The following SLMAP variants were observed in gnomAD, a reference collection of about 807,000 sequenced individuals.
SLMAP encodes the protein sarcolemma associated protein.
SLMAP carries 44 observed loss-of-function variants against 128.8 expected under a neutral mutation model. That is an observed-to-expected ratio of 0.34 (90% CI 0.27 to 0.44). The LOEUF (loss-of-function observed/expected upper bound fraction) is 0.44. SLMAP is among the 20% of genes least tolerant of loss of function. The pLI is 1.00. For missense variants in SLMAP, 787 were observed against 985.3 expected (o/e 0.80, Z 2.69); for synonymous variants, 327 against 348.8 (o/e 0.94, Z 0.70).
chr3:57,831,488 A>G lies in SLMAP; in HGVS notation c.304A>G (p.Ile102Val), dbSNP rs756212703. 17 of 1,594,292 alleles carry G rather than the reference A, an allele frequency of 1.1e-5. No homozygotes were observed. The Admixed American group carries it at 1.7e-4, about 16-fold the overall frequency. ...SPPCEILSGD[I>V]IQFGVDVTEN... ...ACCATGTGAAATTCTTTCCGGTGACATTATCCAGTTTGGAGTAGACGTGAC... is the reference window on the plus strand; with the variant it reads ...ACCATGTGAAATTCTTTCCGGTGACGTTATCCAGTTTGGAGTAGACGTGAC... The change falls in exon 3 of 25, where the codon ATT (isoleucine) becomes GTT (valine). Residue 102 changes from isoleucine to valine, a missense_variant. By Grantham distance (29) the Ile-to-Val change is conservative. This residue lies in a region of SLMAP where 72 missense variants were observed against 141.8 expected (regional missense o/e 0.51). Coordinates refer to ENST00000671191, the MANE Select transcript of SLMAP (RefSeq NM_001377540.1).
intron 17 of SLMAP, among the ~76,000 whole-genome samples, chr3:57,906,300 C>CTTTTTTT (rs112949836): frequency 1.1e-4 from 8 of 71,290 alleles, no homozygotes; most frequent in African/African-American, 1.4e-4. Context: ...AAATTTTTTT[C>CTTTTTTT]TTTTTTTTTC....
At chr3:57,872,430 C>A (rs2095503482) in intron 14 of SLMAP, among the ~76,000 whole-genome samples, 1 of 152,114 alleles carries the variant, frequency 6.6e-6, no homozygotes, top group African/African-American at 2.4e-5. Flanking sequence ...ACCAGCCTGA[C>A]CAACATGGTG....
intron 17 of SLMAP, among the ~76,000 whole-genome samples, chr3:57,904,964 G>C (rs1432479492): frequency 6.6e-6 from 1 of 152,162 alleles, no homozygotes; most frequent in East Asian, 1.9e-4. Flanking sequence ...CTACTCAGGA[G>C]GCTGAGGAAG....
chr3:57,843,775 C>CTTTTTTTTTTTTTTTTTTTTTTTTTTTT (rs775541858), intron 4 of SLMAP, among the ~76,000 whole-genome samples: 3 of 77,126 alleles, frequency 3.9e-5, no homozygotes, highest in Non-Finnish European at 7.1e-5. Flanking sequence ...TCTTTTCTTT[C>CTTTTTTTTTTTTTTTTTTTTTTTTTTTT]TTTTTTTTTT....
intron 10 of SLMAP, among the ~76,000 whole-genome samples, chr3:57,862,788 C>A (rs545500797): frequency 2.0e-4 from 31 of 151,892 alleles, no homozygotes; most frequent in African/African-American, 6.3e-4. Flanking sequence ...AATAAGATTT[C>A]TATAAAAAAA....
rs562751886 is a variant in SLMAP, at chr3:57,869,922, A to G, written c.1238-1714A>G. ...AACACAGGTATATAAATAAAAATCC[A>G]TAGGAAACTCATTTATATAAATAAA... On this transcript the variant is annotated intron_variant, in intron 13 of 24. Transcript: ENST00000671191. Among the ~76,000 whole-genome samples the G allele has an allele frequency of 4.0e-5, 6 of 151,700 alleles. No individual in the cohort carries two copies. The East Asian group carries it at 9.7e-4, about 24-fold the overall frequency.
intron 19 of SLMAP, among the ~76,000 whole-genome samples, chr3:57,910,273 T>G (rs2096662351): frequency 6.6e-6 from 1 of 152,146 alleles, no homozygotes; most frequent in Non-Finnish European, 1.5e-5. Context: ...CACTACAACC[T>G]CCGTCTCCCG....
chr3:57,842,157 A>G (rs953690960), intron 4 of SLMAP, among the ~76,000 whole-genome samples: 7 of 152,168 alleles, frequency 4.6e-5, no homozygotes, highest in African/African-American at 1.2e-4. Flanking sequence ...AAGGAAAAGT[A>G]GAGCATTGAA....
chr3:57,890,010 C>A, intron 14 of SLMAP, 31 bp from the exon 15 acceptor site: 1 of 1,523,250 alleles, frequency 6.6e-7, no homozygotes, highest in Non-Finnish European at 9.1e-7. Context: ...TCAGTTTGGG[C>A]TTGGATGGTA....
chr3:57,855,726 C>CAAAAAAAAAAAAAAAAAAAAAAAAAAA (rs554021712), intron 6 of SLMAP, among the ~76,000 whole-genome samples: 1 of 130,342 alleles, frequency 7.7e-6, no homozygotes. Flanking sequence ...AAAAAAAAAA[C>CAAAAAAAAAAAAAAAAAAAAAAAAAAA]AAAAAAAAAA....
chr3:57,814,955 C>G (rs904647169), intron 2 of SLMAP, among the ~76,000 whole-genome samples: 1 of 152,104 alleles, frequency 6.6e-6, no homozygotes, highest in East Asian at 1.9e-4. Flanking sequence ...CTACTGTACT[C>G]TAGTATGGGT....
chr3:57,812,031 T>A (rs1015866771), intron 2 of SLMAP, among the ~76,000 whole-genome samples: 20 of 152,228 alleles, frequency 1.3e-4, no homozygotes, highest in Non-Finnish European at 2.5e-4. Flanking sequence ...GCGTTGCCTT[T>A]TTACTCTGTT....
At chr3:57,921,174 C>T (rs754558768) in intron 22 of SLMAP, among the ~76,000 whole-genome samples, 1 of 152,046 alleles carries the variant, frequency 6.6e-6, no homozygotes, top group African/African-American at 2.4e-5. Flanking sequence ...CCTCCAGGCA[C>T]CATTTAAAGT....
rs999042505 is a variant in SLMAP, at chr3:57,906,310, C to CTTTTTTTTTTTTTTT, written c.1502-1566_1502-1552dup. 1.4e-3 allele frequency among the ~76,000 whole-genome samples: 65 copies of CTTTTTTTTTTTTTTT among 47,022 alleles called. 9 individuals carry two copies. The highest frequency in any genetic ancestry group is 1.8e-3 in the Non-Finnish European group (42 of 23,548). The allele number at this position is 47,022 out of a possible 152,430, so 30.8% of individuals were successfully genotyped here. A position where few individuals can be genotyped will look rare whatever the true frequency, so the allele number is the denominator to read the frequency against. ...GAATCAAATTTTTTTCTTTTTTTTT[C>CTTTTTTTTTTTTTTT]TTTTTTTTTTTTTTTTTTTTTTAGA... is the stretch of plus-strand genomic sequence containing the variant. On this transcript the variant is annotated intron_variant, in intron 17 of 24. Coordinates refer to ENST00000671191, the MANE Select transcript of SLMAP (RefSeq NM_001377540.1).
intron 13 of SLMAP, 110 bp from the exon 14 acceptor site, chr3:57,871,526 T>C (rs1208362050): frequency 2.7e-6 from 2 of 731,074 alleles, no homozygotes; most frequent in African/African-American, 1.8e-5. Context: ...TAAGCCTTTA[T>C]TAGTCTTACT....
At chr3:57,878,502 T>C (rs1575610390) in intron 14 of SLMAP, among the ~76,000 whole-genome samples, 1 of 152,200 alleles carries the variant, frequency 6.6e-6, no homozygotes, top group Non-Finnish European at 1.5e-5. Context: ...ATCAGAGGGA[T>C]CTTGATGTGA....
At chr3:57,909,673 C>T (rs909800817) in intron 19 of SLMAP, among the ~76,000 whole-genome samples, 6 of 151,448 alleles carry the variant, frequency 4.0e-5, no homozygotes, top group Non-Finnish European at 8.8e-5. Context: ...AGTACAATGG[C>T]GCGGTCTCAC....
At chr3:57,803,362 T>A (rs1285351216) in intron 2 of SLMAP, among the ~76,000 whole-genome samples, 1 of 152,194 alleles carries the variant, frequency 6.6e-6, no homozygotes, top group African/African-American at 2.4e-5. Flanking sequence ...CCCTTACTAG[T>A]AACTACAGCA....
chr3:57,814,687 C>T (rs2091593871), intron 2 of SLMAP, among the ~76,000 whole-genome samples: 1 of 152,034 alleles, frequency 6.6e-6, no homozygotes, highest in Non-Finnish European at 1.5e-5. Context: ...TATAACTTCA[C>T]TTAGGGCTGG....
Sources: allele counts gnomAD v4.1 joint callset (sites outside exome capture counted in the v4.1 genomes callset), GRCh38; gene constraint gnomAD v4.1.1; regional missense constraint gnomAD v4.1.1; transcripts MANE v1.5; gene names NCBI Gene and HGNC (gene_info 2026-07-23, HGNC 2026-07-21).